VPS13B: variants seen among roughly 807,000 people sequenced by gnomAD.
VPS13B encodes intermembrane lipid transfer protein VPS13B.
Under a neutral mutation model 426.4 loss-of-function variants are expected in VPS13B, and 285 were observed. The ratio of observed to expected loss-of-function variants is 0.67; its 90% CI spans 0.61 to 0.74. The LOEUF is 0.74. Among genes scored for constraint, VPS13B ranks in the 30% least tolerant of loss-of-function variants. The probability of loss-of-function intolerance (pLI) is 0.00; values close to 1 mark genes in which losing one functional copy is unlikely to be tolerated. For synonymous variants in VPS13B, 1,676 were observed against 1,676.4 expected (o/e 1.00, Z 0.01); for missense variants, 4,537 against 4,782.6 (o/e 0.95, Z 1.51).
chr8:99,030,515 C>A (rs1051568221), intron 2 of VPS13B, among the ~76,000 whole-genome samples: 13 of 151,222 alleles, frequency 8.6e-5, no homozygotes, highest in Non-Finnish European at 2.9e-5. Context: ...GGTGTCCTGT[C>A]CAGAACTGGT....
chr8:99,538,709 TTG>T (rs1326581228), intron 30 of VPS13B, among the ~76,000 whole-genome samples: 2 of 152,194 alleles, frequency 1.3e-5, no homozygotes, highest in African/African-American at 4.8e-5. Flanking sequence ...ATAAAATAAA[TTG>T]TCTTTCCTCC....
chr8:99,710,509 A>G (rs1427418213), intron 36 of VPS13B, among the ~76,000 whole-genome samples: 2 of 152,106 alleles, frequency 1.3e-5, no homozygotes, highest in African/African-American at 4.8e-5. Context: ...GTTTCCTGGG[A>G]AAAAAAGAAA....
rs550836668 is a variant in VPS13B, at chr8:99,427,816, C to T, written c.3083-3721C>T. ...AAGTTCATATGGAACCAAAAAAGAG[C>T]CCGCATTGCCAAGTCAATCCTAAGC... On this transcript the variant is annotated intron_variant, in intron 21 of 61. Coordinates refer to ENST00000357162, the MANE Select transcript of VPS13B (RefSeq NM_152564.5). Among the ~76,000 whole-genome samples the T allele has an allele frequency of 2.6e-5, 4 of 152,066 alleles. No homozygotes were observed. The East Asian group carries it at 7.8e-4, about 30-fold the overall frequency.
chr8:99,113,659 G>A (rs1847494201), intron 6 of VPS13B, among the ~76,000 whole-genome samples: 1 of 152,060 alleles, frequency 6.6e-6, no homozygotes, highest in African/African-American at 2.4e-5. Flanking sequence ...CTGCCTCCCG[G>A]GTTCAAGTGA....
chr8:99,634,231 GT>G (rs1238123924), intron 33 of VPS13B, among the ~76,000 whole-genome samples: 1 of 151,612 alleles, frequency 6.6e-6, no homozygotes, highest in Non-Finnish European at 1.5e-5. Context: ...TTTTTTTTTA[GT>G]TTATCATATT....
chr8:99,214,972 T>A (rs562992285), intron 17 of VPS13B, among the ~76,000 whole-genome samples: 1 of 152,334 alleles, frequency 6.6e-6, no homozygotes, highest in African/African-American at 2.4e-5. Flanking sequence ...CATGTCTCTC[T>A]ATTTAATCTA....
intron 39 of VPS13B, among the ~76,000 whole-genome samples, chr8:99,748,260 T>A (rs182053397): frequency 6.6e-6 from 1 of 152,102 alleles, no homozygotes; most frequent in Admixed American, 6.6e-5. Context: ...CAAATAATAG[T>A]GGTCAGTGCA....
chr8:99,100,975 C>T (rs948841991), intron 4 of VPS13B, among the ~76,000 whole-genome samples: 6 of 151,302 alleles, frequency 4.0e-5, no homozygotes, highest in Non-Finnish European at 8.8e-5. Context: ...ACCCGGGAGG[C>T]GGAGGTTGTC....
intron 3 of VPS13B, among the ~76,000 whole-genome samples, chr8:99,068,867 TG>T (rs1844698804): frequency 6.6e-6 from 1 of 152,162 alleles, no homozygotes; most frequent in Non-Finnish European, 1.5e-5. Context: ...AGATGAAATT[TG>T]GGTTGGTACA....
intron 24 of VPS13B, among the ~76,000 whole-genome samples, chr8:99,477,029 C>G (rs1302926868): frequency 6.6e-6 from 1 of 152,032 alleles, no homozygotes; most frequent in Non-Finnish European, 1.5e-5. Flanking sequence ...TTTAGCCAGT[C>G]TTCTATTAAA....
At chr8:99,201,058 T>C (rs1275590173) in intron 17 of VPS13B, among the ~76,000 whole-genome samples, 1 of 152,076 alleles carries the variant, frequency 6.6e-6, no homozygotes, top group East Asian at 1.9e-4. Context: ...TTCATTCCCA[T>C]TGGCCAACAT....
rs187648282 is a variant in VPS13B at position 99,124,687 on chromosome 8, C to T, written c.1206+3242C>T. Among the ~76,000 whole-genome samples the T allele has an allele frequency of 2.6e-5, 4 of 152,012 alleles. No individual in the cohort carries two copies. In the East Asian group the frequency reaches 7.7e-4, roughly 29 times the overall value. ...GGATCACAAGGTCAGGAGTTTGAGA[C>T]CAGCCTGGCCAACATGTTGAAACCC... is the stretch of plus-strand genomic sequence containing the variant. On this transcript the variant is annotated intron_variant, in intron 8 of 61. Transcript: ENST00000357162.
intron 29 of VPS13B, among the ~76,000 whole-genome samples, chr8:99,519,496 T>G (rs112332471): frequency 2.6e-5 from 4 of 152,150 alleles, no homozygotes; most frequent in Non-Finnish European, 5.9e-5. Context: ...TAAAGACACA[T>G]GCACATGTAT....
At chr8:99,713,434 C>A (rs1171644528) in intron 36 of VPS13B, among the ~76,000 whole-genome samples, 1 of 151,970 alleles carries the variant, frequency 6.6e-6, no homozygotes, top group Non-Finnish European at 1.5e-5. Context: ...AACAGACACA[C>A]CTGAAGAGGT....
intron 19 of VPS13B, among the ~76,000 whole-genome samples, chr8:99,306,514 A>T (rs1820644195): frequency 6.6e-6 from 1 of 152,076 alleles, no homozygotes. Flanking sequence ...TGTTTATTGT[A>T]TTAACCCTAT....
intron 35 of VPS13B, among the ~76,000 whole-genome samples, chr8:99,668,671 C>G (rs990475453): frequency 2.0e-5 from 3 of 152,104 alleles, no homozygotes; most frequent in African/African-American, 7.2e-5. Flanking sequence ...CCCAACCCCC[C>G]ACCTTTTCCC....
chr8:99,072,100 G>A (rs1013947555), intron 3 of VPS13B, among the ~76,000 whole-genome samples: 2 of 152,098 alleles, frequency 1.3e-5, no homozygotes, highest in Non-Finnish European at 2.9e-5. Context: ...CAGGCAGCAA[G>A]ACAAAGTCCC....
chr8:99,690,892 A>G (rs777203957), intron 35 of VPS13B, among the ~76,000 whole-genome samples: 1 of 152,204 alleles, frequency 6.6e-6, no homozygotes, highest in Non-Finnish European at 1.5e-5. Flanking sequence ...AGAAAATTAA[A>G]AAGCAAATTT....
chr8:99,726,827 A>G (rs1833370177), intron 39 of VPS13B, among the ~76,000 whole-genome samples: 1 of 152,216 alleles, frequency 6.6e-6, no homozygotes, highest in South Asian at 2.1e-4. Context: ...AAGTGCTGGG[A>G]TTACAGGCAT....
Sources: gnomAD v4.1 joint callset for allele counts (sites outside exome capture counted in the v4.1 genomes callset) on GRCh38, gnomAD v4.1.1 for gene constraint, MANE v1.5 for transcripts, NCBI Gene and HGNC (gene_info 2026-07-23, HGNC 2026-07-21) for gene names.